GRM7: variants seen among roughly 807,000 people sequenced by gnomAD.
GRM7 encodes glutamate metabotropic receptor 7.
A neutral mutation model predicts 84.5 loss-of-function variants in GRM7; 35 were observed. That is an observed-to-expected ratio of 0.41 (90% CI 0.32 to 0.55). GRM7 has a LOEUF of 0.55. GRM7 is among the 20% of genes least tolerant of loss of function. GRM7 has a pLI of 0.19. For missense variants in GRM7, 1,003 were observed against 1,194.6 expected, an observed-to-expected ratio of 0.84 and a Z score of 2.36; for synonymous variants, 487 against 455.1, an observed-to-expected ratio of 1.07 and a Z score of -0.89.
intron 4 of GRM7, among the ~76,000 whole-genome samples, chr3:7,369,001 G>GC: frequency 6.6e-6 from 1 of 152,216 alleles, no homozygotes; most frequent in Middle Eastern, 3.4e-3. Flanking sequence ...TAATTCTTCA[G>GC]TTGTTGTTGC....
At chr3:7,331,843 A>G (rs1701220812) in intron 4 of GRM7, among the ~76,000 whole-genome samples, 1 of 152,138 alleles carries the variant, frequency 6.6e-6, no homozygotes, top group African/African-American at 2.4e-5. Flanking sequence ...GAGAAGAATC[A>G]AGGGATTCAA....
intron 1 of GRM7, among the ~76,000 whole-genome samples, chr3:6,887,196 T>C (rs895169555): frequency 4.6e-5 from 7 of 152,226 alleles, no homozygotes; most frequent in Admixed American, 2.6e-4. Context: ...TCTTTATTTT[T>C]TTTTTTAGAA....
At chr3:7,569,571 T>C (rs1226676215) in intron 7 of GRM7, among the ~76,000 whole-genome samples, 1 of 152,006 alleles carries the variant, frequency 6.6e-6, no homozygotes, top group African/African-American at 2.4e-5. Context: ...CCTGCTGAGG[T>C]CCCCTTCCAC....
intron 1 of GRM7, among the ~76,000 whole-genome samples, chr3:6,949,550 C>G (rs887477383): frequency 4.0e-5 from 6 of 151,758 alleles, no homozygotes; most frequent in Non-Finnish European, 8.8e-5. Flanking sequence ...TTGCTCTTCT[C>G]GAGGAGTATC....
At position 7,170,925 on chromosome 3, in the gene GRM7, CA is replaced by C. The variant is rs142633924; in HGVS notation, c.736+24260del. On this transcript the variant is annotated intron_variant, in intron 2 of 9. Coordinates refer to ENST00000357716, the MANE Select transcript of GRM7 (RefSeq NM_000844.4). ...AACTCCAGATGTACAGGCCACCTTT[CA>C]AAGCATGATACATGCAGACACATGT... Among the ~76,000 whole-genome samples, 93 of 152,316 alleles carry C rather than the reference CA, an allele frequency of 6.1e-4. 1 individual carries two copies. The highest frequency in any genetic ancestry group is 2.2e-3 in the African/African-American group (92 of 41,580).
At position 6,861,895 on chromosome 3, in the gene GRM7, G is replaced by A. The variant is rs1381966944; in HGVS notation, c.507G>A (p.Leu169=). 3 of 1,609,910 alleles carry A rather than the reference G, an allele frequency of 1.9e-6. No homozygotes were observed. Among genetic ancestry groups the A allele is most frequent in the African/African-American group, 1.3e-5 (1 of 74,864 alleles). Residue 169 remains leucine (L), a synonymous_variant, in exon 1 of 10, where the codon CTG becomes CTA. Transcript: ENST00000357716. This position sits in a 1 kb window ranked among gnomAD's most constrained non-coding sequence, Gnocchi z 6.4. ...SSVSIMVANI[L]RLFQIPQISY... is the part of the protein sequence containing the mutation. Reference sequence around the variant, plus strand: ...TCTCCATCATGGTAGCCAACATCCTGAGGCTCTTCCAGGTAGGGATGCGCT... The same window carrying A: ...TCTCCATCATGGTAGCCAACATCCTAAGGCTCTTCCAGGTAGGGATGCGCT...
At chr3:6,931,347 A>T (rs959032405) in intron 1 of GRM7, among the ~76,000 whole-genome samples, 2 of 152,162 alleles carry the variant, frequency 1.3e-5, no homozygotes, top group Admixed American at 1.3e-4. Context: ...AAATAGGAAG[A>T]GTGACATAGA....
chr3:7,247,473 C>T (rs1697808581), intron 2 of GRM7, among the ~76,000 whole-genome samples: 1 of 151,748 alleles, frequency 6.6e-6, no homozygotes, highest in African/African-American at 2.4e-5. Context: ...GCGGCTCACA[C>T]CTGTAGTCCT....
chr3:7,178,543 G>T (rs1343997869), intron 2 of GRM7, among the ~76,000 whole-genome samples: 4 of 152,066 alleles, frequency 2.6e-5, no homozygotes, highest in African/African-American at 9.7e-5. Context: ...AAGCTGTTTG[G>T]TTTGTATAGG....
At chr3:7,696,418 G>GA (rs1407611252) in intron 9 of GRM7, among the ~76,000 whole-genome samples, 4 of 152,234 alleles carry the variant, frequency 2.6e-5, no homozygotes, top group Non-Finnish European at 2.9e-5. Context: ...TCAGTACATG[G>GA]ATAATGACTA....
intron 4 of GRM7, among the ~76,000 whole-genome samples, chr3:7,399,990 T>C (rs1203397243): frequency 6.6e-6 from 1 of 152,148 alleles, no homozygotes; most frequent in Non-Finnish European, 1.5e-5. Flanking sequence ...CTCAGAGGTA[T>C]TAGAAGGTTT....
intron 2 of GRM7, among the ~76,000 whole-genome samples, chr3:7,158,302 C>T (rs999462990): frequency 1.3e-5 from 2 of 152,158 alleles, no homozygotes; most frequent in Non-Finnish European, 2.9e-5. Flanking sequence ...CTCTCAGCTT[C>T]TGTTTGGCCA....
chr3:7,185,926 T>A (rs573510745), intron 2 of GRM7, among the ~76,000 whole-genome samples: 4 of 152,348 alleles, frequency 2.6e-5, no homozygotes, highest in African/African-American at 9.6e-5. Flanking sequence ...AAATTTTGTT[T>A]GTAAGCTCAT....
rs180887607 is a variant in GRM7 at position 7,146,761 on chromosome 3, C to T, written c.736+93C>T. ...AACTTCATTAAATAAACACTACAGA[C>T]TCTTACATTCCCAGAGTCCTGTGAA... is the stretch of plus-strand genomic sequence containing the variant. On this transcript the variant is annotated intron_variant, in intron 2 of 9. Transcript: ENST00000357716. 1.4e-5 allele frequency: 11 copies of T among 811,320 alleles called. No homozygotes were observed. The African/African-American group carries it at 1.7e-4, about 13-fold the overall frequency. The allele number at this position is 811,320 out of a possible 1,614,324, so 50.3% of individuals were successfully genotyped here. A position where few individuals can be genotyped will look rare whatever the true frequency, so the allele number is the denominator to read the frequency against.
At chr3:7,370,317 C>G (rs1694078096) in intron 4 of GRM7, among the ~76,000 whole-genome samples, 1 of 151,986 alleles carries the variant, frequency 6.6e-6, no homozygotes, top group Non-Finnish European at 1.5e-5. Flanking sequence ...ATCCATGTAC[C>G]CCACAGGCTT....
chr3:7,272,079 A>AT (rs1221787216), intron 2 of GRM7, among the ~76,000 whole-genome samples: 2 of 152,140 alleles, frequency 1.3e-5, no homozygotes. Context: ...AGATACAATT[A>AT]TATTTTTACT....
chr3:6,932,385 G>A (rs1697534259), intron 1 of GRM7, among the ~76,000 whole-genome samples: 2 of 152,160 alleles, frequency 1.3e-5, no homozygotes, highest in South Asian at 4.1e-4. Flanking sequence ...GCAAAGGTCA[G>A]TGGGGGTTAT....
At chr3:7,433,004 A>G (rs138715602) in intron 5 of GRM7, among the ~76,000 whole-genome samples, 1 of 152,352 alleles carries the variant, frequency 6.6e-6, no homozygotes, top group African/African-American at 2.4e-5. Context: ...ACAATAATCC[A>G]TAGATCAAGG....
At chr3:6,877,750 T>G (rs1695363166) in intron 1 of GRM7, among the ~76,000 whole-genome samples, 1 of 151,864 alleles carries the variant, frequency 6.6e-6, no homozygotes, top group Admixed American at 6.6e-5. Flanking sequence ...AATTTTCATA[T>G]AGATGGACAT....
Sources: allele counts gnomAD v4.1 joint callset (sites outside exome capture counted in the v4.1 genomes callset), GRCh38; gene constraint gnomAD v4.1.1; non-coding constraint Gnocchi (gnomAD v3.1); transcripts MANE v1.5; gene names NCBI Gene and HGNC (gene_info 2026-07-23, HGNC 2026-07-21).